The following AATK variants were observed in gnomAD, a reference collection of about 807,000 sequenced individuals.
The protein encoded by AATK is lemur tail kinase 1.
Under a neutral mutation model 114.3 loss-of-function variants are expected in AATK, and 91 were observed. That is an observed-to-expected ratio of 0.80 (90% CI 0.67 to 0.95). The LOEUF is 0.95. AATK is among the 40% of genes least tolerant of loss of function. AATK has a pLI of 0.00. For synonymous variants in AATK, 1,075 were observed against 916.5 expected (o/e 1.17, Z -3.12); for missense variants, 2,176 against 1,965.2 (o/e 1.11, Z -2.03).
Position 81,125,019 on chromosome 17 carries a change from AGGCAGG to A in AATK, c.756-11_756-6del, listed in dbSNP as rs763556173. On this transcript the variant is annotated splice_polypyrimidine_tract_variant and splice_region_variant and intron_variant, in intron 7 of 13. Transcript: ENST00000326724. ...CAGTTCCGCAGGGCCAGGTCGCTGC[AGGCAGG>A]GGCAGGGGCAGGGGCAGGGTGAGCA... The A allele has an allele frequency of 2.7e-5, 39 of 1,418,978 alleles. No individual in the cohort carries two copies. The highest frequency in any genetic ancestry group is 2.4e-4 in the African/African-American group (16 of 66,656). The allele number at this position is 1,418,978 out of a possible 1,614,324, so 87.9% of individuals were successfully genotyped here.
At chr17:81,140,706 G>A (rs1367547782) in intron 1 of AATK, among the ~76,000 whole-genome samples, 1 of 122,810 alleles carries the variant, frequency 8.1e-6, no homozygotes, top group Non-Finnish European at 1.8e-5. Context: ...GAGCTGTGGG[G>A]CGGTGAGACC....
intron 3 of AATK, among the ~76,000 whole-genome samples, chr17:81,130,717 C>T (rs1416777251): frequency 1.3e-5 from 2 of 152,114 alleles, no homozygotes; most frequent in Non-Finnish European, 2.9e-5. Flanking sequence ...GCCCGCACCC[C>T]TGCCCCAGTG....
At chr17:81,119,095 G>A (rs1251461251) in intron 13 of AATK, among the ~76,000 whole-genome samples, 5 of 152,128 alleles carry the variant, frequency 3.3e-5, no homozygotes, top group Admixed American at 1.3e-4. Flanking sequence ...GGTCTGCGGG[G>A]TAGGGTCAGG....
intron 1 of AATK, among the ~76,000 whole-genome samples, chr17:81,151,044 G>C (rs994230363): frequency 1.3e-5 from 2 of 152,124 alleles, no homozygotes; most frequent in African/African-American, 4.8e-5. Context: ...TGGGGTTCCT[G>C]GGACAGGAGA....
rs771187962 is a variant in AATK, at chr17:81,119,561, G to A, written c.3903C>T (p.Asp1301=). The change falls in exon 13 of 14, where the codon GAC becomes GAT. Residue 1301 remains aspartate, a synonymous_variant. Transcript: ENST00000326724. ...TAEEGGGFAW[D]DDFPLMTAKA... ...TGGCCGTCATCAGCGGGAAGTCGTC[G>A]TCCCACGCGAACCCACCACCTGCAG... 1.5e-5 allele frequency: 23 copies of A among 1,576,578 alleles called. No homozygotes were observed. Among genetic ancestry groups the A allele is most frequent in the Middle Eastern group, 3.5e-4 (2 of 5,792 alleles).
chr17:81,122,932 G>A, intron 10 of AATK, 109 bp from the exon 11 acceptor site: 1 of 1,090,678 alleles, frequency 9.2e-7, no homozygotes, highest in Non-Finnish European at 1.2e-6. Flanking sequence ...GGGGCATTAA[G>A]GGTATCTCCC....
chr17:81,122,896 G>C (rs2060718498), intron 10 of AATK, 73 bp from the exon 11 acceptor site: 1 of 1,328,324 alleles, frequency 7.5e-7, no homozygotes, highest in South Asian at 1.6e-5. Flanking sequence ...GCAGGGATGG[G>C]GGTTCCCCTA....
chr17:81,143,625 T>C (rs2061172401), intron 1 of AATK, among the ~76,000 whole-genome samples: 1 of 151,686 alleles, frequency 6.6e-6, no homozygotes, highest in Non-Finnish European at 1.5e-5. Flanking sequence ...TCGACCCCTC[T>C]GGCTTCACAG....
chr17:81,149,115 C>A (rs1452858524), intron 1 of AATK, among the ~76,000 whole-genome samples: 1 of 152,156 alleles, frequency 6.6e-6, no homozygotes, highest in Non-Finnish European at 1.5e-5. Context: ...GAGCTGCATT[C>A]CGGGGCCGGG....
At position 81,124,848 on chromosome 17, in the gene AATK, C is replaced by T; in HGVS notation, c.841G>A (p.Glu281Lys). The change falls in exon 9 of 14, where the codon GAG becomes AAG. Residue 281 changes from glutamate (E) to lysine (K), a missense_variant and splice_region_variant. Coordinates refer to ENST00000326724, the MANE Select transcript of AATK (RefSeq NM_001080395.3). ...DYGLAHCKYR[E>K]DYFVTADQLW... ...TGGTCGGCAGTCACGAAGTAGTCCT[C>T]CTGTTGGCACAGGGACGGGTCACCC... 6.2e-7 allele frequency: 1 copy of T among 1,607,648 alleles called. No individual in the cohort carries two copies. The highest frequency in any genetic ancestry group is 8.5e-7 in the Non-Finnish European group (1 of 1,177,354).
Position 81,121,502 on chromosome 17 carries a change from C to T in AATK, c.2434G>A (p.Glu812Lys), listed in dbSNP as rs1246560809. ...GGGGCGTCGGGGGCACTGGCCTCCTCCGAGGGAAGTGGGGCTCCCTCCTGG... is the reference window on the plus strand; with the variant it reads ...GGGGCGTCGGGGGCACTGGCCTCCTTCGAGGGAAGTGGGGCTCCCTCCTGG... The part of the protein sequence containing the change: ...PSQEGAPLPS[E>K]EASAPDAPDA... Residue 812 changes from glutamate (E) to lysine (K), a missense_variant, in exon 11 of 14, where the codon GAG (glutamate) becomes AAG (lysine). Glu to Lys is a moderately conservative substitution (Grantham distance 56). Transcript: ENST00000326724. 6.4e-7 allele frequency: 1 copy of T among 1,552,804 alleles called. No homozygotes were observed. The highest frequency in any genetic ancestry group is 1.2e-5 in the South Asian group (1 of 81,622).
intron 1 of AATK, chr17:81,165,446 G>A (rs1296931101): frequency 8.3e-6 from 3 of 363,372 alleles, no homozygotes; most frequent in Non-Finnish European, 1.6e-5. Flanking sequence ...TCTGTAATGT[G>A]GACTGGCCCC....
At chr17:81,148,687 TAC>T (rs1481970667) in intron 1 of AATK, among the ~76,000 whole-genome samples, 28 of 152,044 alleles carry the variant, frequency 1.8e-4, no homozygotes, top group Admixed American at 1.8e-3. Flanking sequence ...GGAAGGAGCA[TAC>T]AGACACACGG....
chr17:81,138,916 CAGAT>C (rs1567818455), intron 1 of AATK, among the ~76,000 whole-genome samples: 2 of 151,626 alleles, frequency 1.3e-5, no homozygotes, highest in Non-Finnish European at 2.9e-5. Flanking sequence ...CATGCGTAGA[CAGAT>C]ACCACACGTG....
chr17:81,122,696 A>G lies in AATK; in HGVS notation c.1240T>C (p.Trp414Arg), dbSNP rs939814145. Reference protein sequence around the residue: ...TEAEEEFERRWRSLRPGGGGV... With the variant: ...TEAEEEFERRRRSLRPGGGGV... ...CCCCCGCCGGGCCGCAGAGAGCGCC[A>G]GCGCCGTTCAAACTCCTCCTCTGCT... Residue 414 changes from tryptophan (W) to arginine (R), a missense_variant, in exon 11 of 14, where the codon TGG becomes CGG. By Grantham distance (101) the Trp-to-Arg change is moderately radical. Transcript: ENST00000326724. 3 of 1,560,616 alleles carry G rather than the reference A, an allele frequency of 1.9e-6. No individual in the cohort carries two copies. Among genetic ancestry groups the G allele is most frequent in the African/African-American group, 1.4e-5 (1 of 73,366 alleles).
rs532964037 is a variant in AATK at position 81,127,688 on chromosome 17, C to T, written c.534-18G>A. On this transcript the variant is annotated intron_variant, in intron 5 of 13. Coordinates refer to ENST00000326724, the MANE Select transcript of AATK (RefSeq NM_001080395.3). Reference sequence around the variant, plus strand: ...TCAGGGCCCTGCGGGAGTGGACAGGCGGCCCCTGACTTGGGAGGAGGTGGG... The same window carrying T: ...TCAGGGCCCTGCGGGAGTGGACAGGTGGCCCCTGACTTGGGAGGAGGTGGG... The T allele has an allele frequency of 1.9e-5, 29 of 1,553,100 alleles. No homozygotes were observed. In the East Asian group the frequency reaches 3.6e-4, roughly 19 times the overall value.
At position 81,121,255 on chromosome 17, in the gene AATK, T is replaced by C. The variant is rs750269721; in HGVS notation, c.2681A>G (p.Gln894Arg). The C allele has an allele frequency of 1.2e-6, 2 of 1,609,772 alleles. No homozygotes were observed. Among genetic ancestry groups the C allele is most frequent in the Non-Finnish European group, 1.7e-6 (2 of 1,178,690 alleles). Residue 894 changes from glutamine to arginine, a missense_variant, in exon 11 of 14, where the codon CAG (glutamine) becomes CGG (arginine). Transcript: ENST00000326724. ...PDVVPAFRSL[Q>R]KQVGTPDSLD... The stretch of plus-strand genomic sequence containing the variant: ...GGAGTCGGGGGTCCCCACCTGCTTC[T>C]GCAGAGAGCGGAAGGCTGGCACCAC...
chr17:81,138,828 G>A lies in AATK; in HGVS notation c.56-4327C>T, dbSNP rs941415605. ...CTTGCGCGTGCACACCCACGTGAGC[G>A]CACACACACCCCCACGCGTGCAGAT... On this transcript the variant is annotated intron_variant, in intron 1 of 13. Coordinates refer to ENST00000326724, the MANE Select transcript of AATK (RefSeq NM_001080395.3). 8.6e-5 allele frequency among the ~76,000 whole-genome samples: 12 copies of A among 139,702 alleles called. No homozygotes were observed. In the South Asian group the frequency reaches 1.5e-3, roughly 17 times the overall value. 91.6% of individuals were successfully genotyped at this position (139,702 alleles called of 152,430 possible).
intron 9 of AATK, among the ~76,000 whole-genome samples, chr17:81,124,260 C>T (rs1399057371): frequency 1.5e-5 from 2 of 133,664 alleles, no homozygotes; most frequent in Non-Finnish European, 3.3e-5. Flanking sequence ...CTGCCCCTTC[C>T]GAGTCTACAC....
Sources: gnomAD v4.1 joint callset for allele counts (sites outside exome capture counted in the v4.1 genomes callset) on GRCh38, gnomAD v4.1.1 for gene constraint, MANE v1.5 for transcripts, NCBI Gene and HGNC (gene_info 2026-07-23, HGNC 2026-07-21) for gene names.